Variants in MRC1 observed in about 807,000 individuals in gnomAD.
The protein encoded by MRC1 is mannose receptor C-type 1.
MRC1 carries 62 observed loss-of-function variants against 102.9 expected under a neutral mutation model. The ratio of observed to expected loss-of-function variants is 0.60; its 90% CI spans 0.49 to 0.74. The LOEUF (loss-of-function observed/expected upper bound fraction) is 0.74. MRC1 is among the 30% of genes least tolerant of loss of function. The probability of loss-of-function intolerance (pLI) is 0.00; values close to 1 mark genes in which losing one functional copy is unlikely to be tolerated. For synonymous variants in MRC1, 457 were observed against 298.4 expected (o/e 1.53, Z -5.48); for missense variants, 1,237 against 862.8 (o/e 1.43, Z -5.43).
intron 7 of MRC1, among the ~76,000 whole-genome samples, chr10:17,850,438 TA>T (rs1219771856): frequency 6.6e-6 from 1 of 151,862 alleles, no homozygotes; most frequent in African/African-American, 2.4e-5. Flanking sequence ...TCGTCTCTAC[TA>T]AAAAAAATTT....
chr10:17,858,581 G>A (rs899446413), intron 9 of MRC1, among the ~76,000 whole-genome samples: 2 of 152,072 alleles, frequency 1.3e-5, no homozygotes, highest in African/African-American at 2.4e-5. Context: ...TCCGCCTCCC[G>A]GGCTCAAGTA....
At position 17,875,113 on chromosome 10, in the gene MRC1, T is replaced by G; in HGVS notation, c.2410T>G (p.Trp804Gly). The stretch of plus-strand genomic sequence containing the variant: ...AGATCCACCAGTTACTGAAGATGGG[T>G]GGGTTATTTACAAAGACTACCAGTA... ...QDNPPVTEDG[W>G]VIYKDYQYYF... The change falls in exon 17 of 30, where the codon TGG becomes GGG. Residue 804 changes from tryptophan to glycine, a missense_variant. Physicochemically the swap from Trp to Gly is radical, Grantham distance 184 (BLOSUM62 -2). Transcript: ENST00000569591. The G allele has an allele frequency of 1.3e-6, 1 of 780,800 alleles. No individual in the cohort carries two copies. Among genetic ancestry groups the G allele is most frequent in the Non-Finnish European group, 2.4e-6 (1 of 417,916 alleles). 48.4% of individuals were successfully genotyped at this position (780,800 alleles called of 1,614,324 possible).
chr10:17,909,112 G>A (rs1026841029), intron 28 of MRC1, among the ~76,000 whole-genome samples, 194 bp from the exon 29 acceptor site: 5 of 152,110 alleles, frequency 3.3e-5, no homozygotes, highest in Non-Finnish European at 7.4e-5. Flanking sequence ...TAGATGATAG[G>A]TAGGTAGATA....
chr10:17,858,543 A>G (rs1342689954), intron 9 of MRC1, among the ~76,000 whole-genome samples: 3 of 152,120 alleles, frequency 2.0e-5, no homozygotes, highest in Admixed American at 1.3e-4. Flanking sequence ...GCTGGAGTGC[A>G]GTGGCATGAT....
At chr10:17,873,313 A>G (rs1833380723) in intron 15 of MRC1, among the ~76,000 whole-genome samples, 2 of 152,234 alleles carry the variant, frequency 1.3e-5, no homozygotes, top group South Asian at 4.1e-4. Context: ...TGAAATCATA[A>G]GTCATTTCAC....
At chr10:17,910,126 CT>C in intron 29 of MRC1, 88 bp from the exon 30 acceptor site, 1 of 770,186 alleles carries the variant, frequency 1.3e-6, no homozygotes, top group Non-Finnish European at 2.4e-6. Context: ...ATATTTATGC[CT>C]TTTAGTTTTT....
rs905038304 is a variant in MRC1 at position 17,855,347 on chromosome 10, G to A, written c.1408-895G>A. 1.7e-4 allele frequency among the ~76,000 whole-genome samples: 26 copies of A among 152,088 alleles called. No individual in the cohort carries two copies. In the East Asian group the frequency reaches 2.5e-3, roughly 15 times the overall value. On this transcript the variant is annotated intron_variant, in intron 8 of 29. Coordinates refer to ENST00000569591, the MANE Select transcript of MRC1 (RefSeq NM_002438.4). ...AGCACTTTGGGAGGCCGAGGCAGGC[G>A]GATCATGAGGTCGGGAGATCGAGAC...
intron 4 of MRC1, among the ~76,000 whole-genome samples, chr10:17,840,117 G>A (rs969911623): frequency 0.068 from 10,245 of 149,636 alleles, 968 homozygotes; most frequent in African/African-American, 0.21. Context: ...GTTTACCGCT[G>A]AAGAGCTGAG....
At chr10:17,893,482 G>T (rs1833710101) in intron 22 of MRC1, among the ~76,000 whole-genome samples, 2 of 152,118 alleles carry the variant, frequency 1.3e-5, no homozygotes, top group African/African-American at 4.8e-5. Context: ...TGAGCAAAAT[G>T]CCATATTTCA....
rs903899179 is a variant in MRC1, at chr10:17,885,278, C to G, written c.2990C>G (p.Thr997Ser). ...TGAAATTTTCTTTCAGCATTTCTTA[C>G]CTATCACATGAAGGACTCCACTTTC... ...IQNEKEQAFL[T>S]YHMKDSTFSA... The change falls in exon 22 of 30, where the codon ACC becomes AGC. Residue 997 changes from threonine (T) to serine (S), a missense_variant. Physicochemically the swap from Thr to Ser is moderately conservative, Grantham distance 58 (BLOSUM62 1). Transcript: ENST00000569591. 1.3e-6 allele frequency: 1 copy of G among 780,672 alleles called. No individual in the cohort carries two copies. Among genetic ancestry groups the G allele is most frequent in the African/African-American group, 1.7e-5 (1 of 59,088 alleles). The allele number at this position is 780,672 out of a possible 1,614,324, so 48.4% of individuals were successfully genotyped here.
In MRC1 at chr10:17,875,235, G is replaced by GGC. The variant is rs1833413126; in HGVS notation, c.2532_2533insGC (p.Lys845AlafsTer8). On this transcript the variant is annotated frameshift_variant, in exon 17 of 30. Transcript: ENST00000569591. LOFTEE classifies it high-confidence loss of function. Reference sequence around the variant, plus strand: ...TTTCTATTCAAAGTGAAAGTGAAAAGAAGTTTCTATGGAAATATGTAAGGA... The same window carrying GGC: ...TTTCTATTCAAAGTGAAAGTGAAAAGGCAAGTTTCTATGGAAATATGTAAGGA... The GGC allele has an allele frequency of 1.3e-6, 1 of 780,786 alleles. No homozygotes were observed. Among genetic ancestry groups the GGC allele is most frequent in the Non-Finnish European group, 2.4e-6 (1 of 417,906 alleles). 48.4% of individuals were successfully genotyped at this position (780,786 alleles called of 1,614,324 possible).
At chr10:17,809,675 C>T in intron 1 of MRC1, 149 bp downstream of exon 1, 3 of 730,876 alleles carry the variant, frequency 4.1e-6, no homozygotes, top group Non-Finnish European at 7.6e-6. Flanking sequence ...GCTAAGCCTG[C>T]TGCCTTCACC....
intron 4 of MRC1, among the ~76,000 whole-genome samples, chr10:17,837,233 C>T (rs1448539671): frequency 2.6e-5 from 4 of 152,166 alleles, no homozygotes; most frequent in Non-Finnish European, 5.9e-5. Context: ...TCCAAGCCTC[C>T]GGAATTTCAG....
intron 7 of MRC1, among the ~76,000 whole-genome samples, chr10:17,850,114 T>A (rs1269824761): frequency 6.6e-6 from 1 of 152,180 alleles, no homozygotes; most frequent in Non-Finnish European, 1.5e-5. Context: ...TATCTGTGTG[T>A]GTGTGTGTAT....
At chr10:17,826,263 C>T (rs1182408549) in intron 2 of MRC1, among the ~76,000 whole-genome samples, 3 of 152,028 alleles carry the variant, frequency 2.0e-5, no homozygotes, top group East Asian at 1.9e-4. Flanking sequence ...AGTACAGTGG[C>T]GTGATCTCGG....
chr10:17,819,729 G>A (rs1838367377), intron 1 of MRC1, among the ~76,000 whole-genome samples: 1 of 152,108 alleles, frequency 6.6e-6, no homozygotes, highest in Non-Finnish European at 1.5e-5. Flanking sequence ...GATCACTTGA[G>A]CCTAGGAGTT....
At chr10:17,877,091 A>G (rs1187840619) in intron 17 of MRC1, among the ~76,000 whole-genome samples, 1 of 149,624 alleles carries the variant, frequency 6.7e-6, no homozygotes, top group Non-Finnish European at 1.5e-5. Flanking sequence ...ATGTATATAT[A>G]TGAAAATCAA....
chr10:17,904,922 A>G (rs1005328708), intron 26 of MRC1, among the ~76,000 whole-genome samples: 6 of 152,318 alleles, frequency 3.9e-5, no homozygotes, highest in Admixed American at 3.9e-4. Flanking sequence ...TCAATTCGCT[A>G]GTTGTTTGCC....
chr10:17,901,486 T>A lies in MRC1; in HGVS notation c.3650-487T>A, dbSNP rs998119720. On this transcript the variant is annotated intron_variant, in intron 25 of 29. Coordinates refer to ENST00000569591, the MANE Select transcript of MRC1 (RefSeq NM_002438.4). ...GGCAGATCACCTGAGGTCAGGAGGTTGAGACCAGCTTGGCCAACATGGTGA... is the reference window on the plus strand; with the variant it reads ...GGCAGATCACCTGAGGTCAGGAGGTAGAGACCAGCTTGGCCAACATGGTGA... Among the ~76,000 whole-genome samples the A allele has an allele frequency of 3.9e-5, 6 of 152,146 alleles. No individual in the cohort carries two copies. The East Asian group carries it at 1.2e-3, about 30-fold the overall frequency.
Sources: allele counts gnomAD v4.1 joint callset (sites outside exome capture counted in the v4.1 genomes callset), GRCh38; gene constraint gnomAD v4.1.1; transcripts MANE v1.5; gene names NCBI Gene and HGNC (gene_info 2026-07-23, HGNC 2026-07-21).